The following MACF1 variants were observed in gnomAD, a reference collection of about 807,000 sequenced individuals.
MACF1 encodes microtubule-actin cross-linking factor 1.
Under a neutral mutation model 854.8 loss-of-function variants are expected in MACF1, and 193 were observed. That is an observed-to-expected ratio of 0.23 (90% CI 0.20 to 0.25). The LOEUF (loss-of-function observed/expected upper bound fraction) is 0.25. Ranked by LOEUF, MACF1 falls within the 10% of genes least tolerant of loss-of-function variation. MACF1 has a pLI of 1.00. For synonymous variants in MACF1, 3,185 were observed against 3,226.7 expected (o/e 0.99, Z 0.44); for missense variants, 7,722 against 8,929.1 (o/e 0.86, Z 5.45).
Position 39,424,161 on chromosome 1 carries a change from G to C in MACF1, c.16283G>C (p.Arg5428Thr). 1 of 1,613,702 alleles carries C rather than the reference G, an allele frequency of 6.2e-7. No homozygotes were observed. The highest frequency in any genetic ancestry group is 8.5e-7 in the Non-Finnish European group (1 of 1,179,924). The change falls in exon 61 of 101, where the codon AGA becomes ACA. Residue 5428 changes from arginine (R) to threonine (T), a missense_variant. Coordinates refer to ENST00000564288, the MANE Select transcript of MACF1 (RefSeq NM_001394062.1). Reference protein sequence around the residue: ...ITGQLESLESRWTELLSKAAA... With the variant: ...ITGQLESLESTWTELLSKAAA... ...GGACAGCTGGAGAGTCTTGAAAGTA[G>C]ATGGACTGAACTACTCAGTAAGGCA...
rs1200461343 is a variant in MACF1, at chr1:39,119,241, C to CGGGAGGCGGAGGTTGCG, written c.220+34805_220+34821dup. On this transcript the variant is annotated intron_variant, in intron 2 of 93. Coordinates refer to the MACF1 transcript ENST00000361689. ...CTGAGGCAGGAGAATCGCTTGAACCCGGGAGGCGGAGGTTGCGGTGAGCCG... is the reference window on the plus strand; with the variant it reads ...CTGAGGCAGGAGAATCGCTTGAACCCGGGAGGCGGAGGTTGCGGGGAGGCGGAGGTTGCGGTGAGCCG... 2.8e-5 allele frequency among the ~76,000 whole-genome samples: 4 copies of CGGGAGGCGGAGGTTGCG among 144,464 alleles called. No homozygotes were observed. The Admixed American group carries it at 2.9e-4, about 10-fold the overall frequency. 94.8% of individuals were successfully genotyped at this position (144,464 alleles called of 152,430 possible). A position where few individuals can be genotyped will look rare whatever the true frequency, so the allele number is the denominator to read the frequency against.
At chr1:39,205,960 G>A (rs1337913051) in intron 1 of MACF1, among the ~76,000 whole-genome samples, 1 of 152,108 alleles carries the variant, frequency 6.6e-6, no homozygotes, top group African/African-American at 2.4e-5. Context: ...TTACTGGAGT[G>A]TATACCCTTG....
At chr1:39,384,164 G>A (rs1055474049) in intron 56 of MACF1, among the ~76,000 whole-genome samples, 2 of 152,060 alleles carry the variant, frequency 1.3e-5, no homozygotes, top group East Asian at 1.9e-4. Flanking sequence ...GTTCTTTATT[G>A]TCACATCTAG....
rs1416174737 is a variant in MACF1, at chr1:39,268,526, G to A, written c.528+10498G>A. ...TAAGATGGCTGTCTGAATCGGCAGC[G>A]GCTGGAAGAGACAGAGAGAGGCGGG... On this transcript the variant is annotated intron_variant, in intron 6 of 100. Coordinates refer to ENST00000564288, the MANE Select transcript of MACF1 (RefSeq NM_001394062.1). 41 of 1,154,378 alleles carry A rather than the reference G, an allele frequency of 3.6e-5. No individual in the cohort carries two copies. In the South Asian group the frequency reaches 3.8e-4, roughly 11 times the overall value. 71.5% of individuals were successfully genotyped at this position (1,154,378 alleles called of 1,614,324 possible). A position where few individuals can be genotyped will look rare whatever the true frequency, so the allele number is the denominator to read the frequency against.
intron 52 of MACF1, among the ~76,000 whole-genome samples, chr1:39,373,846 C>T (rs1315719713): frequency 6.7e-6 from 1 of 149,116 alleles, no homozygotes; most frequent in African/African-American, 2.5e-5. Context: ...GACGGAGACC[C>T]CATCTCAAAA....
chr1:39,331,990 G>A lies in MACF1; in HGVS notation c.5402G>A (p.Cys1801Tyr). Residue 1801 changes from cysteine to tyrosine, a missense_variant, in exon 37 of 101, where the codon TGT (cysteine) becomes TAT (tyrosine). By Grantham distance (194) the Cys-to-Tyr change is radical. Around this residue, in one of 15 missense-constraint regions of MACF1, gnomAD observed 1,531 missense variants for 1,601.6 expected, o/e 0.96. Transcript: ENST00000564288. ...RHNLIDQDMA[C>Y]AILIRQLQTG... ...AATCTGATTGACCAAGATATGGCCT[G>A]TGCTATCCTCATAAGGCAGCTTCAG... The A allele has an allele frequency of 6.2e-7, 1 of 1,614,038 alleles. No homozygotes were observed. The highest frequency in any genetic ancestry group is 1.7e-5 in the Admixed American group (1 of 59,990).
rs1281559970 is a variant in MACF1 at position 39,477,088 on chromosome 1, TATACAC to T, written c.21959-2708_21959-2703del. ...ATATATATATATATATATATATATATATACACACACACACATATATACACTTAGTGT... is the reference window on the plus strand; with the variant it reads ...ATATATATATATATATATATATATATACACACACATATATACACTTAGTGT... On this transcript the variant is annotated intron_variant, in intron 97 of 100. Coordinates refer to ENST00000564288, the MANE Select transcript of MACF1 (RefSeq NM_001394062.1). Among the ~76,000 whole-genome samples, 58 of 15,886 alleles carry T rather than the reference TATACAC, an allele frequency of 3.7e-3. 2 individuals are homozygous for T. The highest frequency in any genetic ancestry group is 7.7e-3 in the African/African-American group (54 of 6,984). 10.4% of individuals were successfully genotyped at this position (15,886 alleles called of 152,430 possible). A position where few individuals can be genotyped will look rare whatever the true frequency, so the allele number is the denominator to read the frequency against.
Position 39,444,679 on chromosome 1 carries a change from G to A in MACF1, c.19449G>A (p.Leu6483=), listed in dbSNP as rs2148669341. The change falls in exon 80 of 101, where the codon CTG becomes CTA. Residue 6483 remains leucine, a synonymous_variant. Coordinates refer to ENST00000564288, the MANE Select transcript of MACF1 (RefSeq NM_001394062.1). ...LDTHMELYSQ[L]KAKEETYNQL... is the part of the protein sequence containing the mutation. The stretch of plus-strand genomic sequence containing the variant: ...TCTTGTAGGAACTCTATTCCCAGCT[G>A]AAAGCCAAGGAAGAGACTTATAATC... The A allele has an allele frequency of 6.2e-7, 1 of 1,611,418 alleles. No homozygotes were observed. Among genetic ancestry groups the A allele is most frequent in the Non-Finnish European group, 8.5e-7 (1 of 1,178,656 alleles).
intron 1 of MACF1, among the ~76,000 whole-genome samples, chr1:39,221,958 T>TA (rs1644657682): frequency 6.6e-6 from 1 of 152,188 alleles, no homozygotes; most frequent in African/African-American, 2.4e-5. Context: ...CTCCTTACTC[T>TA]AGCTTTCTGG....
intron 2 of MACF1, among the ~76,000 whole-genome samples, chr1:39,237,178 C>T (rs1436012789): frequency 6.6e-6 from 1 of 152,202 alleles, no homozygotes; most frequent in East Asian, 1.9e-4. Flanking sequence ...ATTTATTTCT[C>T]TCCCTAGAAT....
In MACF1 at chr1:39,359,327, A is replaced by G. The variant is rs569404713; in HGVS notation, c.12244+63A>G. 124 of 1,560,708 alleles carry G rather than the reference A, an allele frequency of 7.9e-5. 3 individuals carry two copies. The South Asian group carries it at 9.5e-4, about 12-fold the overall frequency. On this transcript the variant is annotated intron_variant, in intron 47 of 100. Transcript: ENST00000564288. ...TCCTAGTATGTACCTCTATTCTGCA[A>G]TATGTCACATTGTGTTGTGCAAATA...
At chr1:39,158,180 C>T (rs660882) in intron 2 of MACF1, among the ~76,000 whole-genome samples, 3,535 of 152,160 alleles carry the variant, frequency 0.023, 130 homozygotes, top group African/African-American at 0.08. Flanking sequence ...TTAAAGCAAC[C>T]CCGAAACAAA....
intron 70 of MACF1, among the ~76,000 whole-genome samples, chr1:39,437,098 A>G (rs1643996061): frequency 6.6e-6 from 1 of 152,130 alleles, no homozygotes; most frequent in Admixed American, 6.5e-5. Context: ...GTCATCTCAG[A>G]TGTTGACATA....
chr1:39,216,048 A>G (rs895894559), intron 1 of MACF1, among the ~76,000 whole-genome samples: 22 of 152,282 alleles, frequency 1.4e-4, no homozygotes, highest in African/African-American at 4.6e-4. Context: ...GCCTTGAACA[A>G]GTGACTTAAC....
intron 5 of MACF1, among the ~76,000 whole-genome samples, chr1:39,254,946 G>T (rs1645080957): frequency 6.6e-6 from 1 of 152,108 alleles, no homozygotes; most frequent in Admixed American, 6.6e-5. Context: ...TTAGACATAG[G>T]AAGAGGAGCC....
chr1:39,357,996 G>A, intron 45 of MACF1, 103 bp downstream of exon 45: 1 of 1,197,474 alleles, frequency 8.4e-7, no homozygotes, highest in Non-Finnish European at 1.2e-6. Context: ...GGACACAGTA[G>A]GAGAGCTGAT....
chr1:39,125,800 T>C (rs918492997), intron 2 of MACF1, among the ~76,000 whole-genome samples: 1 of 152,200 alleles, frequency 6.6e-6, no homozygotes, highest in African/African-American at 2.4e-5. Context: ...AAGACCGGCC[T>C]GGCCAACATT....
rs1571019370 is a variant in MACF1, at chr1:39,084,526, T to C, written c.220+88T>C. The C allele has an allele frequency of 3.6e-6, 4 of 1,104,908 alleles. No individual in the cohort carries two copies. Among genetic ancestry groups the C allele is most frequent in the Non-Finnish European group, 5.3e-6 (4 of 761,254 alleles). 68.4% of individuals were successfully genotyped at this position (1,104,908 alleles called of 1,614,324 possible). A position where few individuals can be genotyped will look rare whatever the true frequency, so the allele number is the denominator to read the frequency against. On this transcript the variant is annotated intron_variant, in intron 2 of 93. Coordinates refer to the MACF1 transcript ENST00000361689. The surrounding 1 kb of genome is among the most constrained non-coding windows in gnomAD (Gnocchi z 5.2). The stretch of plus-strand genomic sequence containing the variant: ...AGCAGCTGTGTGGGGAGCCGAGGGG[T>C]CCTCACCAGGGCCTCTGACAAAGCA...
Position 39,333,627 on chromosome 1 carries a change from GA to G in MACF1, c.7041del (p.Glu2348LysfsTer7). 6.2e-7 allele frequency: 1 copy of G among 1,614,162 alleles called. No individual in the cohort carries two copies. The highest frequency in any genetic ancestry group is 1.6e-4 in the Middle Eastern group (1 of 6,062). On this transcript the variant is annotated frameshift_variant, in exon 37 of 101. Coordinates refer to ENST00000564288, the MANE Select transcript of MACF1 (RefSeq NM_001394062.1). LOFTEE classifies it high-confidence loss of function. ...DSQTCESLTT[E>X]EVINEGLMDE... Reference sequence around the variant, plus strand: ...TCAGACTTGTGAGTCTTTGACAACTGAAGAAGTCATTAATGAAGGTCTGATG... The same window carrying G: ...TCAGACTTGTGAGTCTTTGACAACTGAGAAGTCATTAATGAAGGTCTGATG...
Sources: allele counts gnomAD v4.1 joint callset (sites outside exome capture counted in the v4.1 genomes callset), GRCh38; gene constraint gnomAD v4.1.1; regional missense constraint gnomAD v4.1.1; non-coding constraint Gnocchi (gnomAD v3.1); transcripts MANE v1.5; gene names NCBI Gene and HGNC (gene_info 2026-07-23, HGNC 2026-07-21).